Variants in VAV3 observed in about 807,000 individuals in gnomAD.
The protein encoded by VAV3 is guanine nucleotide exchange factor VAV3.
Under a neutral mutation model 131.2 loss-of-function variants are expected in VAV3, and 94 were observed. That is an observed-to-expected ratio of 0.72 (90% CI 0.61 to 0.85). The LOEUF is 0.85. Among genes scored for constraint, VAV3 ranks in the 40% least tolerant of loss-of-function variants. The pLI, the probability that VAV3 is intolerant of heterozygous loss-of-function variation, is 0.00. For missense variants in VAV3, 939 were observed against 1,002.7 expected (o/e 0.94, Z 0.86); for synonymous variants, 349 against 342.0 (o/e 1.02, Z -0.22).
chr1:107,717,035 T>A (rs11185169), intron 15 of VAV3, among the ~76,000 whole-genome samples: 2 of 152,310 alleles, frequency 1.3e-5, no homozygotes, highest in East Asian at 3.9e-4. Context: ...TAGAGGTGTT[T>A]ATAGTATTCT....
chr1:107,576,306 G>T, intron 25 of VAV3: 1 of 1,135,248 alleles, frequency 8.8e-7, no homozygotes, highest in Non-Finnish European at 1.2e-6. Flanking sequence ...AGATGTATCC[G>T]TATGAGAAGC....
chr1:107,642,774 A>G lies in VAV3; in HGVS notation c.1778-19T>C, dbSNP rs749947236. On this transcript the variant is annotated intron_variant, in intron 19 of 26. Coordinates refer to ENST00000370056, the MANE Select transcript of VAV3 (RefSeq NM_006113.5). ...GGTAAACCTGAAAATAAGCCAAACA[A>G]GTTTTAGAATTGAGAAAACAATGAT... is the stretch of plus-strand genomic sequence containing the variant. The G allele has an allele frequency of 6.2e-7, 1 of 1,613,024 alleles. No individual in the cohort carries two copies. Among genetic ancestry groups the G allele is most frequent in the African/African-American group, 1.3e-5 (1 of 74,956 alleles).
At chr1:107,720,384 A>AAAATAAAT (rs35673194) in intron 15 of VAV3, among the ~76,000 whole-genome samples, 5,004 of 102,476 alleles carry the variant, frequency 0.049, 169 homozygotes, top group East Asian at 0.072. Context: ...CACTGTCTCA[A>AAAATAAAT]AAATAAATAA....
At chr1:107,843,517 ATG>A (rs938520533) in intron 2 of VAV3, among the ~76,000 whole-genome samples, 7 of 147,126 alleles carry the variant, frequency 4.8e-5, no homozygotes, top group African/African-American at 7.6e-5. Flanking sequence ...TTAAAAATGT[ATG>A]TGTGCGTGTG....
intron 2 of VAV3, among the ~76,000 whole-genome samples, chr1:107,799,725 T>G (rs1436665354): frequency 6.6e-6 from 1 of 152,230 alleles, no homozygotes; most frequent in Admixed American, 6.5e-5. Flanking sequence ...TCCAGCCATC[T>G]TGAAATGTAC....
At chr1:107,946,013 T>C (rs1359456427) in intron 1 of VAV3, among the ~76,000 whole-genome samples, 1 of 151,912 alleles carries the variant, frequency 6.6e-6, no homozygotes, top group Non-Finnish European at 1.5e-5. Flanking sequence ...AGGAGGGAGT[T>C]GAGGCTGGGG....
At position 107,918,782 on chromosome 1, in the gene VAV3, C is replaced by T. The variant is rs1209201796; in HGVS notation, c.205-43765G>A. ...GTGCAATGGTGCGATCTCAGCTCAC[C>T]GCAACCTCTGCCTCCCGAGTTCAAG... On this transcript the variant is annotated intron_variant, in intron 1 of 26. Coordinates refer to ENST00000370056, the MANE Select transcript of VAV3 (RefSeq NM_006113.5). Among the ~76,000 whole-genome samples the T allele has an allele frequency of 5.3e-5, 8 of 149,702 alleles. No individual in the cohort carries two copies. In the South Asian group the frequency reaches 6.3e-4, roughly 12 times the overall value.
chr1:107,750,594 A>G (rs569060250), intron 13 of VAV3, among the ~76,000 whole-genome samples: 9 of 152,310 alleles, frequency 5.9e-5, no homozygotes, highest in Admixed American at 5.2e-4. Context: ...CGCTTCTCCA[A>G]AGATTCCAGA....
intron 20 of VAV3, among the ~76,000 whole-genome samples, chr1:107,640,688 T>C (rs776211926): frequency 6.6e-6 from 1 of 152,182 alleles, no homozygotes; most frequent in East Asian, 1.9e-4. Context: ...GTTGCACTAA[T>C]GATCCAAGAA....
intron 15 of VAV3, among the ~76,000 whole-genome samples, chr1:107,733,400 G>T (rs956530137): frequency 6.6e-6 from 1 of 152,222 alleles, no homozygotes; most frequent in Non-Finnish European, 1.5e-5. Context: ...TTGATGAGTT[G>T]ACAGAAGTAG....
chr1:107,960,075 C>T (rs1311964074), intron 1 of VAV3, among the ~76,000 whole-genome samples: 1 of 152,192 alleles, frequency 6.6e-6, no homozygotes, highest in Non-Finnish European at 1.5e-5. Flanking sequence ...TGGTAAAAGC[C>T]GCCATCATCT....
intron 4 of VAV3, among the ~76,000 whole-genome samples, 163 bp downstream of exon 4, chr1:107,777,068 G>A (rs1665400806): frequency 6.6e-6 from 1 of 152,184 alleles, no homozygotes; most frequent in South Asian, 2.1e-4. Context: ...AAAACCAGTT[G>A]AAGTACATTT....
chr1:107,843,307 T>A (rs931938885), intron 2 of VAV3, among the ~76,000 whole-genome samples: 1 of 150,662 alleles, frequency 6.6e-6, no homozygotes, highest in African/African-American at 2.4e-5. Flanking sequence ...TAAGAGTACC[T>A]ACTAATAAAA....
chr1:107,758,928 C>A (rs749359795), intron 10 of VAV3, among the ~76,000 whole-genome samples: 18 of 152,190 alleles, frequency 1.2e-4, no homozygotes, highest in Non-Finnish European at 2.2e-4. Context: ...CTCTTCCCCT[C>A]TGATCTACTT....
chr1:107,757,360 T>C (rs767749238), intron 10 of VAV3, 31 bp from the exon 11 acceptor site: 2 of 1,561,114 alleles, frequency 1.3e-6, no homozygotes, highest in East Asian at 2.3e-5. Flanking sequence ...AGTACTACTT[T>C]CATCAAATTA....
chr1:107,761,256 G>A (rs1183896994), intron 9 of VAV3, among the ~76,000 whole-genome samples: 1 of 151,908 alleles, frequency 6.6e-6, no homozygotes, highest in Admixed American at 6.6e-5. Context: ...AGCCGGTCAT[G>A]GTGGCAGGTG....
At chr1:107,865,940 T>A (rs1050696208) in intron 2 of VAV3, among the ~76,000 whole-genome samples, 28 of 152,072 alleles carry the variant, frequency 1.8e-4, no homozygotes, top group African/African-American at 6.8e-4. Context: ...TGGCAGAGTA[T>A]GAGTTTCCAG....
chr1:107,951,270 C>T (rs1028413981), intron 1 of VAV3, among the ~76,000 whole-genome samples: 3 of 152,174 alleles, frequency 2.0e-5, no homozygotes, highest in Admixed American at 6.5e-5. Flanking sequence ...TCTCATCTCT[C>T]TCACCCAGCT....
intron 15 of VAV3, among the ~76,000 whole-genome samples, chr1:107,741,478 G>A (rs1287267649): frequency 2.0e-5 from 3 of 152,174 alleles, no homozygotes; most frequent in Non-Finnish European, 4.4e-5. Context: ...GTGCTGCTGA[G>A]GGTGTCAAAG....
Sources: gnomAD v4.1 joint callset for allele counts (sites outside exome capture counted in the v4.1 genomes callset) on GRCh38, gnomAD v4.1.1 for gene constraint, MANE v1.5 for transcripts, NCBI Gene and HGNC (gene_info 2026-07-23, HGNC 2026-07-21) for gene names.